CPNE3: variants seen among roughly 807,000 people sequenced by gnomAD.
CPNE3 encodes the protein copine-3.
CPNE3 carries 68 observed loss-of-function variants against 63.9 expected under a neutral mutation model. The observed-to-expected ratio is 1.06, with a 90% CI of 0.87 to 1.30. The LOEUF is 1.30. Among genes scored for constraint, CPNE3 ranks in the 50% most tolerant of loss-of-function variants. The pLI, the probability that CPNE3 is intolerant of heterozygous loss-of-function variation, is 0.00. For missense variants in CPNE3, 665 were observed against 578.1 expected (o/e 1.15, Z -1.54); for synonymous variants, 219 against 197.5 (o/e 1.11, Z -0.91).
intron 14 of CPNE3, 77 bp from the exon 15 acceptor site, chr8:86,554,774 A>G: frequency 6.5e-7 from 1 of 1,541,116 alleles, no homozygotes; most frequent in Non-Finnish European, 8.8e-7. Context: ...CATATAATCA[A>G]ATTAGCCAGT....
chr8:86,528,430 C>A, intron 2 of CPNE3, 106 bp from the exon 3 acceptor site: 2 of 1,233,200 alleles, frequency 1.6e-6, no homozygotes, highest in South Asian at 1.3e-5. Flanking sequence ...ACTCTATAAG[C>A]CTATTGTGAC....
intron 8 of CPNE3, among the ~76,000 whole-genome samples, chr8:86,540,987 A>G (rs748992406): frequency 1.3e-4 from 20 of 152,216 alleles, no homozygotes; most frequent in Non-Finnish European, 2.9e-4. Context: ...AAATATATAC[A>G]TACATATACA....
chr8:86,532,799 A>G (rs1820710794), intron 6 of CPNE3, among the ~76,000 whole-genome samples: 1 of 152,176 alleles, frequency 6.6e-6, no homozygotes, highest in Non-Finnish European at 1.5e-5. Context: ...TGTTTAGGTT[A>G]AGAGAGGAGT....
chr8:86,554,820 G>T lies in CPNE3; in HGVS notation c.1121-31G>T, dbSNP rs562004989. On this transcript the variant is annotated intron_variant, in intron 14 of 16. Coordinates refer to ENST00000517490, the MANE Select transcript of CPNE3 (RefSeq NM_003909.5). ...AACACATTGTGCTTGAGAATTTTTA[G>T]TACTGTTTTTTATTTGTTTGTTTGT... is the stretch of plus-strand genomic sequence containing the variant. The T allele has an allele frequency of 2.1e-5, 33 of 1,607,688 alleles. No homozygotes were observed. The South Asian group carries it at 3.4e-4, about 17-fold the overall frequency.
At chr8:86,539,884 C>G (rs1483963364) in intron 7 of CPNE3, among the ~76,000 whole-genome samples, 5 of 152,000 alleles carry the variant, frequency 3.3e-5, no homozygotes, top group South Asian at 4.1e-4. Context: ...AGGCTGGTCT[C>G]AAACTCCTGA....
chr8:86,555,048 T>C, intron 15 of CPNE3, 64 bp downstream of exon 15: 1 of 1,601,018 alleles, frequency 6.2e-7, no homozygotes, highest in Non-Finnish European at 8.5e-7. Context: ...GGTGCCATTT[T>C]TCTATGTTTT....
chr8:86,552,962 GCCCCCCCC>G lies in CPNE3; in HGVS notation c.1120+1737_1120+1744del, dbSNP rs1173984951. 8.6e-4 allele frequency among the ~76,000 whole-genome samples: 3 copies of G among 3,498 alleles called. 1 individual carries two copies. Among genetic ancestry groups the G allele is most frequent in the Non-Finnish European group, 2.9e-3 (3 of 1,024 alleles). The allele number at this position is 3,498 out of a possible 152,430, so 2.3% of individuals were successfully genotyped here. ...TCAAGCAATTCTCCTGCCACAGCCC[GCCCCCCCC>G]CCCCCCCCGCCCACAACCGAGTAGC... On this transcript the variant is annotated intron_variant, in intron 14 of 16. Transcript: ENST00000517490.
intron 7 of CPNE3, 62 bp from the exon 8 acceptor site, chr8:86,540,183 G>A: frequency 1.0e-6 from 1 of 971,326 alleles, no homozygotes; most frequent in Non-Finnish European, 1.7e-6. Context: ...AGGAAGGGCA[G>A]GAGCAAAATG....
chr8:86,556,923 A>G (rs190851855), intron 16 of CPNE3, among the ~76,000 whole-genome samples: 189 of 152,210 alleles, frequency 1.2e-3, no homozygotes, highest in African/African-American at 4.4e-3. Context: ...ACAATATACA[A>G]CCTTTTGGGA....
chr8:86,544,154 T>G (rs182762307), intron 8 of CPNE3, among the ~76,000 whole-genome samples: 15 of 152,294 alleles, frequency 9.8e-5, no homozygotes, highest in Middle Eastern at 6.8e-3. Context: ...ACTCTTAGCC[T>G]GGAATTGTTC....
chr8:86,543,750 A>G (rs1447395139), intron 8 of CPNE3, among the ~76,000 whole-genome samples: 5 of 152,150 alleles, frequency 3.3e-5, no homozygotes, highest in Admixed American at 3.3e-4. Context: ...TCACAAGACT[A>G]TTTAGAGAAT....
At chr8:86,554,751 C>A in intron 14 of CPNE3, 100 bp from the exon 15 acceptor site, 2 of 1,382,560 alleles carry the variant, frequency 1.4e-6, no homozygotes, top group Non-Finnish European at 9.9e-7. Context: ...ATTTAAAGCA[C>A]TATATGTTGA....
chr8:86,527,798 A>T (rs56321721), intron 2 of CPNE3, among the ~76,000 whole-genome samples: 46,290 of 151,834 alleles, frequency 0.3, 8,792 homozygotes, highest in Middle Eastern at 0.45. Flanking sequence ...AACAGAAAAT[A>T]TCCCACTCAG....
intron 2 of CPNE3, among the ~76,000 whole-genome samples, chr8:86,527,136 G>A (rs1820559395): frequency 6.6e-6 from 1 of 152,116 alleles, no homozygotes; most frequent in Non-Finnish European, 1.5e-5. Context: ...TAGAACTTCA[G>A]CTAAATCTCA....
At position 86,559,437 on chromosome 8, in the gene CPNE3, A is replaced by G. The variant is rs1821389373; in HGVS notation, c.*1027A>G. On this transcript the variant is annotated 3_prime_UTR_variant, in exon 17 of 17. Transcript: ENST00000517490. ...CACTTAGTCATTTTCTCCTTTTTTT[A>G]AGAACCATTTTCATCTGATTTTTAA... 1 of 152,174 alleles carries G rather than the reference A, an allele frequency of 6.6e-6. No homozygotes were observed. The allele number at this position is 152,174 out of a possible 1,614,324, so 9.4% of individuals were successfully genotyped here.
At chr8:86,520,937 CTTTTTGTTTCT>C (rs1048571512) in intron 2 of CPNE3, among the ~76,000 whole-genome samples, 6 of 151,950 alleles carry the variant, frequency 3.9e-5, no homozygotes, top group Non-Finnish European at 4.4e-5. Context: ...GTGATTCTTC[CTTTTTGTTTCT>C]TTTTTGTTTT....
chr8:86,516,186 G>A (rs1455484616), intron 2 of CPNE3, among the ~76,000 whole-genome samples: 2 of 152,170 alleles, frequency 1.3e-5, no homozygotes, highest in Admixed American at 6.5e-5. Context: ...AGACCAAAAG[G>A]TGCCTGGCAC....
intron 14 of CPNE3, among the ~76,000 whole-genome samples, chr8:86,551,860 T>TG (rs1821186841): frequency 6.6e-6 from 1 of 152,258 alleles, no homozygotes; most frequent in Non-Finnish European, 1.5e-5. Context: ...GGTCTCGCTA[T>TG]GTTGGCCAGG....
intron 2 of CPNE3, among the ~76,000 whole-genome samples, chr8:86,521,165 C>T (rs529364523): frequency 2.6e-4 from 39 of 152,226 alleles, no homozygotes; most frequent in East Asian, 1.9e-3. Flanking sequence ...TGCTCTAAGA[C>T]GATCTAATGG....
Sources: allele counts gnomAD v4.1 joint callset (sites outside exome capture counted in the v4.1 genomes callset), GRCh38; gene constraint gnomAD v4.1.1; transcripts MANE v1.5; gene names NCBI Gene and HGNC (gene_info 2026-07-23, HGNC 2026-07-21).